The following ZXDC variants were observed in gnomAD, a reference collection of about 807,000 sequenced individuals.
ZXDC encodes ZXD family zinc finger C, also known as zinc finger protein ZXDC.
Under a neutral mutation model 63.6 loss-of-function variants are expected in ZXDC, and 58 were observed. The ratio of observed to expected loss-of-function variants is 0.91; its 90% CI spans 0.74 to 1.13. The LOEUF is 1.13. Ranked by LOEUF, ZXDC falls within the 50% of genes most tolerant of loss-of-function variation. The pLI is 0.00. For missense variants in ZXDC, 1,133 were observed against 1,148.9 expected, an observed-to-expected ratio of 0.99 and a Z score of 0.20; for synonymous variants, 561 against 496.1, an observed-to-expected ratio of 1.13 and a Z score of -1.74.
Position 126,475,224 on chromosome 3 carries a change from G to A in ZXDC, c.642C>T (p.Gly214=), listed in dbSNP as rs373775915. ...GRRPFKCPLE[G]CGWAFTTSYK... ...AGGACGTTGTGAAGGCCCAACCACA[G>A]CCCTCCAGTGGGCACTTGAAGGGCC... The change falls in exon 1 of 10, where the codon GGC becomes GGT. Residue 214 remains glycine (G), a synonymous_variant. Transcript: ENST00000389709. 2 of 1,571,338 alleles carry A rather than the reference G, an allele frequency of 1.3e-6. No homozygotes were observed. The highest frequency in any genetic ancestry group is 1.7e-6 in the Non-Finnish European group (2 of 1,158,284).
chr3:126,451,953 GGC>G (rs1322078654), intron 7 of ZXDC: 9 of 985,314 alleles, frequency 9.1e-6, no homozygotes, highest in Non-Finnish European at 9.6e-6. Flanking sequence ...AACAAGGGCA[GGC>G]TGCCCCCACA....
intron 8 of ZXDC, chr3:126,440,782 C>T (rs1001662520): frequency 4.1e-6 from 4 of 986,382 alleles, no homozygotes; most frequent in Non-Finnish European, 4.8e-6. Flanking sequence ...CCCAGCTGCC[C>T]GCAGCCTCTT....
chr3:126,466,428 C>T lies in ZXDC; in HGVS notation c.1271-103G>A, dbSNP rs747114125. ...TCAGAACCACCAGACCTGCATTTTGCACCCTGGCTACTGGCAAGGACAGAG... is the reference window on the plus strand; with the variant it reads ...TCAGAACCACCAGACCTGCATTTTGTACCCTGGCTACTGGCAAGGACAGAG... On this transcript the variant is annotated intron_variant, in intron 4 of 9. Transcript: ENST00000389709. The T allele has an allele frequency of 3.9e-5, 39 of 1,005,684 alleles. 1 individual carries two copies. The highest frequency in any genetic ancestry group is 5.4e-5 in the Non-Finnish European group (35 of 653,178). 62.3% of individuals were successfully genotyped at this position (1,005,684 alleles called of 1,614,324 possible).
At chr3:126,444,442 G>A (rs529843769) in intron 7 of ZXDC, among the ~76,000 whole-genome samples, 1 of 151,970 alleles carries the variant, frequency 6.6e-6, no homozygotes, top group Admixed American at 6.6e-5. Flanking sequence ...TGAGGCAGGA[G>A]AATGGCATGA....
At chr3:126,442,328 G>A (rs1195389014) in intron 7 of ZXDC, 1 of 161,342 alleles carries the variant, frequency 6.2e-6, no homozygotes, top group Non-Finnish European at 1.3e-5. Context: ...TCATGGAATA[G>A]GAAGGAAGCG....
At chr3:126,467,625 C>G (rs189645376) in intron 4 of ZXDC, among the ~76,000 whole-genome samples, 4 of 152,320 alleles carry the variant, frequency 2.6e-5, no homozygotes, top group Admixed American at 2.6e-4. Flanking sequence ...TTTTCATTTT[C>G]TAATACAGCT....
Position 126,462,220 on chromosome 3 carries a change from T to G in ZXDC, c.1442A>C (p.Asp481Ala). ...CGGAGCTTCTAGCTGAGGTAAGAGATCTGAAAAAAAAAGGAATACACTCTG... is the reference window on the plus strand; with the variant it reads ...CGGAGCTTCTAGCTGAGGTAAGAGAGCTGAAAAAAAAAGGAATACACTCTG... ...HMVRQHSRRQ[D>A]LLPQLEAPSS... Residue 481 changes from aspartate to alanine, a missense_variant and splice_region_variant, in exon 6 of 10, where the codon GAT becomes GCT. Transcript: ENST00000389709. 6.4e-7 allele frequency: 1 copy of G among 1,571,306 alleles called. No homozygotes were observed. The highest frequency in any genetic ancestry group is 8.6e-7 in the Non-Finnish European group (1 of 1,165,906).
At chr3:126,447,162 A>C (rs1933914151) in intron 7 of ZXDC, among the ~76,000 whole-genome samples, 1 of 152,164 alleles carries the variant, frequency 6.6e-6, no homozygotes, top group Non-Finnish European at 1.5e-5. Context: ...TCCCAGATGA[A>C]CTTAAAGTAG....
Position 126,475,602 on chromosome 3 carries a change from G to A in ZXDC, c.264C>T (p.Ala88=). The change falls in exon 1 of 10, where the codon GCC becomes GCT. Residue 88 remains alanine (A), a synonymous_variant. Coordinates refer to ENST00000389709, the MANE Select transcript of ZXDC (RefSeq NM_025112.5). The part of the protein sequence containing the change: ...LLEVPHGGAA[A]EAAGSQEAEP... ...CGGCCTCCTGTGATCCGGCAGCCTC[G>A]GCGGCAGCGCCGCCGTGCGGCACTT... The A allele has an allele frequency of 6.8e-7, 1 of 1,469,532 alleles. No individual in the cohort carries two copies. The highest frequency in any genetic ancestry group is 9.0e-7 in the Non-Finnish European group (1 of 1,108,458). 91.0% of individuals were successfully genotyped at this position (1,469,532 alleles called of 1,614,324 possible).
chr3:126,457,556 G>C (rs1387885744), intron 7 of ZXDC: 1 of 985,264 alleles, frequency 1.0e-6, no homozygotes, highest in Non-Finnish European at 1.2e-6. Flanking sequence ...ATTTCCCTTA[G>C]AAGTGTATGA....
intron 7 of ZXDC, among the ~76,000 whole-genome samples, chr3:126,446,663 G>C (rs1270128364): frequency 1.3e-5 from 2 of 152,292 alleles, no homozygotes; most frequent in South Asian, 4.1e-4. Context: ...TTCTCCCAAG[G>C]GTGGAAGATC....
Position 126,471,965 on chromosome 3 carries a change from A to C in ZXDC, c.1139+8T>G. On this transcript the variant is annotated splice_region_variant and intron_variant, in intron 3 of 9. Transcript: ENST00000389709. ...ACCTGATAATGCAAACCAAAATGTA[A>C]GGATTACCTTCTGTGCCTTAGAAGT... 1 of 1,603,298 alleles carries C rather than the reference A, an allele frequency of 6.2e-7. No homozygotes were observed. The highest frequency in any genetic ancestry group is 1.7e-4 in the Middle Eastern group (1 of 6,028).
intron 7 of ZXDC, chr3:126,442,744 C>A (rs1053486781): frequency 2.6e-5 from 4 of 152,344 alleles, no homozygotes; most frequent in African/African-American, 9.6e-5. Context: ...AGTTTAGGCA[C>A]TGTCACTGCT....
At chr3:126,453,840 C>T (rs1057385420) in intron 7 of ZXDC, 4 of 984,792 alleles carry the variant, frequency 4.1e-6, no homozygotes, top group Non-Finnish European at 1.2e-6. Context: ...GCTGGGATTA[C>T]AGGCATGAGC....
chr3:126,474,950 C>T lies in ZXDC; in HGVS notation c.907+9G>A, dbSNP rs928782782. ...CGCGCAGCCCGCCCGCCCCCGAGAGCGCGGTTACCGGGAAAGTCACACTTG... is the reference window on the plus strand; with the variant it reads ...CGCGCAGCCCGCCCGCCCCCGAGAGTGCGGTTACCGGGAAAGTCACACTTG... On this transcript the variant is annotated intron_variant, in intron 1 of 9. Transcript: ENST00000389709. 6 of 1,556,840 alleles carry T rather than the reference C, an allele frequency of 3.9e-6. No homozygotes were observed. The highest frequency in any genetic ancestry group is 5.2e-6 in the Non-Finnish European group (6 of 1,148,946).
rs528827244 is a variant in ZXDC at position 126,457,844 on chromosome 3, C to T, written c.2212+1809G>A. On this transcript the variant is annotated intron_variant, in intron 7 of 9. Transcript: ENST00000389709. ...TGCAAGAGCCCACTCCCACCTGCAG[C>T]GGAGTTTTACCAACCAACCAGATCT... Among the ~76,000 whole-genome samples, 15 of 152,184 alleles carry T rather than the reference C, an allele frequency of 9.9e-5. No homozygotes were observed. The East Asian group carries it at 2.1e-3, about 22-fold the overall frequency.
intron 4 of ZXDC, among the ~76,000 whole-genome samples, chr3:126,468,179 C>T (rs777959314): frequency 6.6e-6 from 1 of 151,952 alleles, no homozygotes; most frequent in East Asian, 1.9e-4. Context: ...CTCACATGGA[C>T]GGCCAGGCAA....
chr3:126,446,575 T>C (rs1379399786), intron 7 of ZXDC, among the ~76,000 whole-genome samples: 1 of 152,124 alleles, frequency 6.6e-6, no homozygotes, highest in Non-Finnish European at 1.5e-5. Flanking sequence ...GCCCCTCCCT[T>C]GATAACCACA....
intron 7 of ZXDC, chr3:126,458,534 G>A (rs1035775584): frequency 1.0e-6 from 1 of 967,880 alleles, no homozygotes; most frequent in Non-Finnish European, 1.2e-6. Flanking sequence ...CACCGCACCT[G>A]GCCAATGTCC....
Sources: allele counts gnomAD v4.1 joint callset (sites outside exome capture counted in the v4.1 genomes callset), GRCh38; gene constraint gnomAD v4.1.1; transcripts MANE v1.5; gene names NCBI Gene and HGNC (gene_info 2026-07-23, HGNC 2026-07-21).